The following NHLRC2 variants were observed in gnomAD, a reference collection of about 807,000 sequenced individuals.
The protein encoded by NHLRC2 is NHL repeat-containing protein 2.
A neutral mutation model predicts 68.1 loss-of-function variants in NHLRC2; 33 were observed. The observed-to-expected ratio is 0.48, with a 90% confidence interval of 0.37 to 0.65. The LOEUF is 0.65. NHLRC2 is among the 30% of genes least tolerant of loss of function. NHLRC2 has a pLI of 0.00. For missense variants in NHLRC2, 761 were observed against 853.8 expected (o/e 0.89, Z 1.35); for synonymous variants, 311 against 309.6 (o/e 1.00, Z -0.05).
chr10:113,896,707 C>G (rs1321135234), intron 5 of NHLRC2, among the ~76,000 whole-genome samples: 1 of 151,932 alleles, frequency 6.6e-6, no homozygotes, highest in East Asian at 1.9e-4. Context: ...AGTATTTGAA[C>G]TGGCTGGGCA....
chr10:113,865,436 A>G (rs985765538), intron 2 of NHLRC2, among the ~76,000 whole-genome samples: 8 of 151,900 alleles, frequency 5.3e-5, no homozygotes, highest in Non-Finnish European at 1.0e-4. Flanking sequence ...TGTGGAATAT[A>G]TTTCTTTTTT....
intron 1 of NHLRC2, among the ~76,000 whole-genome samples, chr10:113,855,624 C>T (rs987508667): frequency 1.3e-5 from 2 of 151,304 alleles, no homozygotes; most frequent in African/African-American, 4.9e-5. Context: ...CGCGCCACCA[C>T]GCCTGGCTAG....
intron 9 of NHLRC2, among the ~76,000 whole-genome samples, chr10:113,904,072 G>A (rs1269093303): frequency 1.3e-5 from 2 of 149,550 alleles, no homozygotes; most frequent in Non-Finnish European, 3.0e-5. Context: ...TGCTCTGTGG[G>A]TTGGGTTATT....
intron 4 of NHLRC2, among the ~76,000 whole-genome samples, chr10:113,880,541 A>G (rs1483628129): frequency 3.3e-5 from 5 of 151,894 alleles, no homozygotes; most frequent in African/African-American, 9.7e-5. Context: ...GTCTAAATAC[A>G]TTGTTTCAGA....
intron 2 of NHLRC2, among the ~76,000 whole-genome samples, chr10:113,873,518 C>G (rs1273663221): frequency 6.6e-6 from 1 of 152,084 alleles, no homozygotes; most frequent in East Asian, 1.9e-4. Flanking sequence ...GAGGCTGTTG[C>G]TTTTGTGTGC....
At chr10:113,879,503 CAA>C in intron 3 of NHLRC2, 69 bp from the exon 4 acceptor site, 1 of 1,297,966 alleles carries the variant, frequency 7.7e-7, no homozygotes, top group Non-Finnish European at 1.1e-6. Flanking sequence ...GCATTAAATA[CAA>C]GTTTGTTTTG....
At position 113,911,734 on chromosome 10, in the gene NHLRC2, G is replaced by A. The variant is rs772232540; in HGVS notation, c.*3198G>A. The A allele has an allele frequency of 6.6e-6, 1 of 152,066 alleles. No homozygotes were observed. Among genetic ancestry groups the A allele is most frequent in the Non-Finnish European group, 1.5e-5 (1 of 67,984 alleles). 9.4% of individuals were successfully genotyped at this position (152,066 alleles called of 1,614,324 possible). On this transcript the variant is annotated 3_prime_UTR_variant, in exon 11 of 11. Transcript: ENST00000369301. ...AGTTAAAAATACGATAGTTAGATTT[G>A]GCATCACGTTTAACCACAATCATCA...
rs764242417 is a variant in NHLRC2 at position 113,876,756 on chromosome 10, A to G, written c.567A>G (p.Leu189=). 5 of 1,610,332 alleles carry G rather than the reference A, an allele frequency of 3.1e-6. No homozygotes were observed. The South Asian group carries it at 5.5e-5, about 18-fold the overall frequency. Residue 189 remains leucine, a synonymous_variant, in exon 3 of 11, where the codon TTA becomes TTG. Coordinates refer to ENST00000369301, the MANE Select transcript of NHLRC2 (RefSeq NM_198514.4). ...IGEGHKDKLF[L]YTSIALKYYK... The stretch of plus-strand genomic sequence containing the variant: ...AGGGACACAAAGATAAATTATTTTT[A>G]TATACTTCAATTGCTTTAAAGTATT...
chr10:113,865,214 GC>G (rs1164241141), intron 2 of NHLRC2, among the ~76,000 whole-genome samples: 2 of 151,900 alleles, frequency 1.3e-5, no homozygotes, highest in African/African-American at 2.4e-5. Context: ...CTCCCAAAGT[GC>G]TGGGATTACA....
At chr10:113,897,172 T>G (rs185597484) in intron 5 of NHLRC2, among the ~76,000 whole-genome samples, 2 of 152,234 alleles carry the variant, frequency 1.3e-5, no homozygotes, top group African/African-American at 2.4e-5. Context: ...GATAATATCA[T>G]TGACTATGCA....
intron 1 of NHLRC2, among the ~76,000 whole-genome samples, 170 bp from the exon 2 acceptor site, chr10:113,858,358 T>C (rs901883822): frequency 6.6e-6 from 1 of 152,244 alleles, no homozygotes; most frequent in East Asian, 1.9e-4. Context: ...TGATGGTTCA[T>C]AGTAAACAAC....
intron 2 of NHLRC2, among the ~76,000 whole-genome samples, chr10:113,873,143 A>T (rs1190242406): frequency 6.6e-6 from 1 of 152,238 alleles, no homozygotes; most frequent in Non-Finnish European, 1.5e-5. Flanking sequence ...AATCTTAATG[A>T]GTGTAAACCA....
intron 4 of NHLRC2, among the ~76,000 whole-genome samples, chr10:113,881,997 T>C (rs1846039588): frequency 6.6e-6 from 1 of 151,890 alleles, no homozygotes; most frequent in African/African-American, 2.4e-5. Context: ...GAAAAGTTCA[T>C]GTGTGAAGTA....
intron 4 of NHLRC2, among the ~76,000 whole-genome samples, chr10:113,879,938 C>T (rs1846022099): frequency 6.6e-6 from 1 of 151,912 alleles, no homozygotes; most frequent in Non-Finnish European, 1.5e-5. Flanking sequence ...AAGGCTGTGT[C>T]CCTAATCACT....
intron 2 of NHLRC2, among the ~76,000 whole-genome samples, chr10:113,863,484 T>C (rs923952278): frequency 2.0e-5 from 3 of 152,154 alleles, no homozygotes; most frequent in Admixed American, 2.0e-4. Context: ...AAGAAATTTA[T>C]GGTTATAAAT....
intron 1 of NHLRC2, among the ~76,000 whole-genome samples, chr10:113,856,857 A>G (rs915352585): frequency 2.0e-5 from 3 of 152,176 alleles, no homozygotes; most frequent in African/African-American, 7.2e-5. Context: ...GAAAAACTGT[A>G]TGCTTTGTTC....
intron 5 of NHLRC2, among the ~76,000 whole-genome samples, chr10:113,888,333 AT>A (rs1300882454): frequency 6.6e-6 from 1 of 152,226 alleles, no homozygotes; most frequent in Non-Finnish European, 1.5e-5. Context: ...ACAGAAAAAA[AT>A]GTTGGTATAT....
At chr10:113,907,041 A>T (rs1314661125) in intron 10 of NHLRC2, among the ~76,000 whole-genome samples, 12 of 152,184 alleles carry the variant, frequency 7.9e-5, no homozygotes, top group Admixed American at 7.2e-4. Context: ...TAGCAAAATC[A>T]TGCATTAGAT....
chr10:113,881,506 G>A (rs935193419), intron 4 of NHLRC2, among the ~76,000 whole-genome samples: 2 of 151,642 alleles, frequency 1.3e-5, no homozygotes, highest in Non-Finnish European at 3.0e-5. Flanking sequence ...CATGGCTCAC[G>A]AACATTGTTT....
Sources: allele counts gnomAD v4.1 joint callset (sites outside exome capture counted in the v4.1 genomes callset), GRCh38; gene constraint gnomAD v4.1.1; transcripts MANE v1.5; gene names NCBI Gene and HGNC (gene_info 2026-07-23, HGNC 2026-07-21).